The following DNM2 variants were observed in gnomAD, a reference collection of about 807,000 sequenced individuals.
The protein encoded by DNM2 is dynamin-2.
A neutral mutation model predicts 99.0 loss-of-function variants in DNM2; 15 were observed. The ratio of observed to expected loss-of-function variants is 0.15; its 90% confidence interval spans 0.10 to 0.23. The LOEUF is 0.23. Ranked by LOEUF, DNM2 falls within the 10% of genes least tolerant of loss-of-function variation. The pLI is 1.00. For synonymous variants in DNM2, 525 were observed against 481.2 expected (o/e 1.09, Z -1.19); for missense variants, 742 against 1,189.4 (o/e 0.62, Z 5.53).
At chr19:10,743,410 C>T (rs138429046) in intron 1 of DNM2, among the ~76,000 whole-genome samples, 4,694 of 151,912 alleles carry the variant, frequency 0.031, 78 homozygotes, top group South Asian at 0.095. Context: ...CATGGTGGCT[C>T]ACACCTGTAA....
intron 15 of DNM2, among the ~76,000 whole-genome samples, chr19:10,813,388 C>A (rs2072622547): frequency 6.6e-6 from 1 of 152,198 alleles, no homozygotes; most frequent in African/African-American, 2.4e-5. Context: ...TAATGTTTGA[C>A]ATATTTATGG....
chr19:10,795,460 C>A lies in DNM2; in HGVS notation c.1196+21C>A. 1 of 1,613,794 alleles carries A rather than the reference C, an allele frequency of 6.2e-7. No homozygotes were observed. The highest frequency in any genetic ancestry group is 1.1e-5 in the South Asian group (1 of 91,058). On this transcript the variant is annotated intron_variant, in intron 9 of 20. Coordinates refer to ENST00000389253, the MANE Select transcript of DNM2 (RefSeq NM_001005361.3). This position sits in a 1 kb window ranked among gnomAD's most constrained non-coding sequence, Gnocchi z 4.2. ...GTCAGGCAAGTTCCACGAGGAGAGT[C>A]ACCACTGTTCCTTCCTCTCCGTGGT...
Position 10,820,941 on chromosome 19 carries a change from CT to C in DNM2, c.1781+853del, listed in dbSNP as rs2072950062. ...ACACTGCTCTCAGGAAGAAACCCAG[CT>C]GGCAGGAGGGCTCTTCCCATGCTCA... is the stretch of plus-strand genomic sequence containing the variant. On this transcript the variant is annotated intron_variant, in intron 16 of 20. Coordinates refer to ENST00000389253, the MANE Select transcript of DNM2 (RefSeq NM_001005361.3). The surrounding 1 kb of genome is among the most constrained non-coding windows in gnomAD (Gnocchi z 4.3). 2.0e-5 allele frequency among the ~76,000 whole-genome samples: 3 copies of C among 152,332 alleles called. No homozygotes were observed. The South Asian group carries it at 6.2e-4, about 32-fold the overall frequency.
At chr19:10,729,045 A>G (rs139116403) in intron 1 of DNM2, among the ~76,000 whole-genome samples, 8,526 of 149,636 alleles carry the variant, frequency 0.057, 609 homozygotes, top group East Asian at 0.33. Context: ...ACATGGCGAA[A>G]CCCCATCTCT....
At chr19:10,769,853 C>G (rs1297012454) in intron 2 of DNM2, among the ~76,000 whole-genome samples, 2 of 152,152 alleles carry the variant, frequency 1.3e-5, no homozygotes, top group South Asian at 4.1e-4. Flanking sequence ...GTCATCGGAG[C>G]CCACTGAGTC....
chr19:10,758,523 C>T (rs1444478169), intron 1 of DNM2, among the ~76,000 whole-genome samples: 18 of 112,948 alleles, frequency 1.6e-4, no homozygotes, highest in Non-Finnish European at 3.0e-4. Flanking sequence ...CCCTTTCCTC[C>T]CTTCCCTCCC....
At chr19:10,791,405 AAGG>A (rs1242553110) in intron 7 of DNM2, among the ~76,000 whole-genome samples, 2 of 152,068 alleles carry the variant, frequency 1.3e-5, no homozygotes, top group Non-Finnish European at 2.9e-5. Context: ...CCCTTTTTAT[AAGG>A]ACACCAGTTA....
At chr19:10,752,783 A>G (rs1395473729) in intron 1 of DNM2, among the ~76,000 whole-genome samples, 1 of 152,190 alleles carries the variant, frequency 6.6e-6, no homozygotes, top group African/African-American at 2.4e-5. Flanking sequence ...AGGCAGGTGC[A>G]GTGGGGTCAT....
chr19:10,759,506 C>G (rs1032376266), intron 1 of DNM2: 2 of 593,914 alleles, frequency 3.4e-6, no homozygotes, highest in Admixed American at 5.7e-5. Flanking sequence ...GGGGCACAGC[C>G]TGCCAGAGGG....
intron 13 of DNM2, 155 bp from the exon 14 acceptor site, chr19:10,808,413 AT>A (rs537962496): frequency 3.3e-4 from 223 of 673,848 alleles, no homozygotes; most frequent in Non-Finnish European, 4.7e-4. Flanking sequence ...ATAGCATGTA[AT>A]TTTTTTTCTT....
intron 1 of DNM2, among the ~76,000 whole-genome samples, chr19:10,722,156 C>T (rs1280694205): frequency 6.6e-6 from 1 of 152,130 alleles, no homozygotes; most frequent in Non-Finnish European, 1.5e-5. Flanking sequence ...GTTGCTGAGC[C>T]TTTGTCCCTT....
intron 18 of DNM2, among the ~76,000 whole-genome samples, chr19:10,825,872 A>G (rs1205793901): frequency 2.6e-5 from 4 of 151,538 alleles, no homozygotes; most frequent in Admixed American, 6.6e-5. Flanking sequence ...AAAAAAAAAA[A>G]AATGAGAAGG....
intron 2 of DNM2, chr19:10,763,287 G>C (rs1357007435): frequency 6.6e-6 from 1 of 152,272 alleles, no homozygotes; most frequent in African/African-American, 2.4e-5. Flanking sequence ...TATTGGCCAG[G>C]CTGGTCTTGA....
chr19:10,734,376 C>T (rs2069445186), intron 1 of DNM2, among the ~76,000 whole-genome samples: 1 of 146,672 alleles, frequency 6.8e-6, no homozygotes, highest in Admixed American at 6.8e-5. Context: ...AGGCCAGGTA[C>T]AGTGGCTCAC....
intron 1 of DNM2, among the ~76,000 whole-genome samples, chr19:10,730,400 AG>A (rs1364507187): frequency 6.6e-6 from 1 of 152,066 alleles, no homozygotes; most frequent in African/African-American, 2.4e-5. Flanking sequence ...CCCTTGAGCT[AG>A]GGTAGCGGTG....
chr19:10,824,579 C>A, intron 17 of DNM2: 1 of 209,022 alleles, frequency 4.8e-6, no homozygotes, highest in Non-Finnish European at 9.8e-6. Context: ...GCAATGTGGG[C>A]AGATCCTTTG....
rs538722874 is a variant in DNM2, at chr19:10,800,014, G to A, written c.1422+1442G>A. On this transcript the variant is annotated intron_variant, in intron 11 of 20. Coordinates refer to ENST00000389253, the MANE Select transcript of DNM2 (RefSeq NM_001005361.3). ...TGGGACTATAGGCGTGAGCTACCACGCCTGGCTAATTTTTGTATTTTTAGT... is the reference window on the plus strand; with the variant it reads ...TGGGACTATAGGCGTGAGCTACCACACCTGGCTAATTTTTGTATTTTTAGT... Among the ~76,000 whole-genome samples, 30 of 150,804 alleles carry A rather than the reference G, an allele frequency of 2.0e-4. No homozygotes were observed. In the South Asian group the frequency reaches 4.8e-3, roughly 24 times the overall value.
intron 1 of DNM2, among the ~76,000 whole-genome samples, chr19:10,738,878 A>T (rs2069631861): frequency 6.7e-6 from 1 of 148,330 alleles, no homozygotes; most frequent in Non-Finnish European, 1.5e-5. Context: ...CGCAAAAAAA[A>T]AAAAAAAAGG....
chr19:10,755,842 TAAGTA>T (rs2070364272), intron 1 of DNM2, among the ~76,000 whole-genome samples: 1 of 152,040 alleles, frequency 6.6e-6, no homozygotes, highest in African/African-American at 2.4e-5. Context: ...TTTTGTATCT[TAAGTA>T]AAGGCGGGGT....
Sources: gnomAD v4.1 joint callset for allele counts (sites outside exome capture counted in the v4.1 genomes callset) on GRCh38, gnomAD v4.1.1 for gene constraint, Gnocchi (gnomAD v3.1) non-coding constraint, MANE v1.5 for transcripts, NCBI Gene and HGNC (gene_info 2026-07-23, HGNC 2026-07-21) for gene names.